Variants in TMEM131 observed in about 807,000 individuals in gnomAD.
The protein encoded by TMEM131 is transmembrane protein 131.
Under a neutral mutation model 211.6 loss-of-function variants are expected in TMEM131, and 66 were observed. The observed-to-expected ratio is 0.31, with a 90% CI of 0.26 to 0.38. The LOEUF (loss-of-function observed/expected upper bound fraction) is 0.38. Among genes scored for constraint, TMEM131 ranks in the 10% least tolerant of loss-of-function variants. The probability of loss-of-function intolerance (pLI) is 1.00; values close to 1 mark genes in which losing one functional copy is unlikely to be tolerated. For missense variants in TMEM131, 2,036 were observed against 2,299.3 expected (o/e 0.89, Z 2.34); for synonymous variants, 844 against 841.3 (o/e 1.00, Z -0.06).
At chr2:97,946,516 T>G (rs1416948312) in intron 1 of TMEM131, among the ~76,000 whole-genome samples, 2 of 151,946 alleles carry the variant, frequency 1.3e-5, no homozygotes, top group African/African-American at 2.4e-5. Context: ...CTTCAAAGAC[T>G]CAAAATACCA....
chr2:97,862,772 T>C (rs1320689458), intron 4 of TMEM131, among the ~76,000 whole-genome samples: 1 of 152,100 alleles, frequency 6.6e-6, no homozygotes, highest in African/African-American at 2.4e-5. Flanking sequence ...TAAGAGTTAA[T>C]GGCCTTAAAG....
At chr2:97,902,676 T>C (rs1047429537) in intron 3 of TMEM131, among the ~76,000 whole-genome samples, 1 of 152,208 alleles carries the variant, frequency 6.6e-6, no homozygotes, top group African/African-American at 2.4e-5. Flanking sequence ...AAGGATATGA[T>C]ACAAAGTATT....
At chr2:97,869,850 G>A (rs370142052) in intron 4 of TMEM131, among the ~76,000 whole-genome samples, 4 of 152,228 alleles carry the variant, frequency 2.6e-5, no homozygotes, top group African/African-American at 4.8e-5. Context: ...AGCAATGCCC[G>A]TTCATTATCT....
intron 33 of TMEM131, among the ~76,000 whole-genome samples, chr2:97,766,901 A>G (rs951667373): frequency 6.6e-6 from 1 of 152,180 alleles, no homozygotes; most frequent in Admixed American, 6.5e-5. Context: ...ATCTCAGATA[A>G]GGCATAGAAA....
chr2:97,859,538 A>T, intron 4 of TMEM131, 111 bp from the exon 5 acceptor site: 1 of 909,942 alleles, frequency 1.1e-6, no homozygotes, highest in South Asian at 2.2e-5. Flanking sequence ...TAAATATATT[A>T]AAATGCTTTC....
chr2:97,885,906 C>T (rs1385247273), intron 4 of TMEM131, among the ~76,000 whole-genome samples: 1 of 152,086 alleles, frequency 6.6e-6, no homozygotes, highest in Non-Finnish European at 1.5e-5. Flanking sequence ...CTGGAATGAC[C>T]ATAATATATT....
At chr2:97,772,964 T>G (rs1679537396) in intron 32 of TMEM131, among the ~76,000 whole-genome samples, 1 of 152,238 alleles carries the variant, frequency 6.6e-6, no homozygotes, top group Non-Finnish European at 1.5e-5. Flanking sequence ...GTCATTTTAA[T>G]TTATACTCAT....
chr2:97,861,754 G>A (rs1055080709), intron 4 of TMEM131, among the ~76,000 whole-genome samples: 1 of 152,118 alleles, frequency 6.6e-6, no homozygotes, highest in Non-Finnish European at 1.5e-5. Flanking sequence ...TCCCTGGTCT[G>A]GACTGGTCTG....
At chr2:97,886,678 AGCTT>A (rs569352866) in intron 4 of TMEM131, among the ~76,000 whole-genome samples, 164 of 152,314 alleles carry the variant, frequency 1.1e-3, no homozygotes, top group African/African-American at 3.9e-3. Flanking sequence ...TGGGTCAGGC[AGCTT>A]GGAATCTGGC....
chr2:97,967,952 C>CT (rs899760343), intron 1 of TMEM131, among the ~76,000 whole-genome samples: 3 of 151,628 alleles, frequency 2.0e-5, no homozygotes, highest in Non-Finnish European at 4.4e-5. Context: ...TCTCAGAACT[C>CT]TGAGACACAG....
intron 31 of TMEM131, among the ~76,000 whole-genome samples, chr2:97,787,729 C>T (rs993547639): frequency 9.9e-5 from 15 of 152,204 alleles, no homozygotes; most frequent in South Asian, 2.1e-4. Flanking sequence ...TGCATGACTA[C>T]ATACCTTTCC....
chr2:97,994,770 A>G (rs1459334031), intron 1 of TMEM131, among the ~76,000 whole-genome samples: 1 of 152,206 alleles, frequency 6.6e-6, no homozygotes, highest in African/African-American at 2.4e-5. Flanking sequence ...GCAGTACAAT[A>G]CTAATGAGAT....
At chr2:97,762,307 A>C in intron 35 of TMEM131, 107 bp from the exon 36 acceptor site, 1 of 1,149,876 alleles carries the variant, frequency 8.7e-7, no homozygotes, top group Non-Finnish European at 1.2e-6. Context: ...GCCCTTCTAC[A>C]AAGAAAACAA....
chr2:97,866,249 A>G (rs1205796611), intron 4 of TMEM131, among the ~76,000 whole-genome samples: 2 of 152,226 alleles, frequency 1.3e-5, no homozygotes, highest in African/African-American at 4.8e-5. Context: ...CAGATTTTCT[A>G]TTTCTCCGTG....
chr2:97,918,460 C>T (rs1676603580), intron 2 of TMEM131, among the ~76,000 whole-genome samples: 1 of 152,070 alleles, frequency 6.6e-6, no homozygotes, highest in South Asian at 2.1e-4. Flanking sequence ...GAATTTAAAC[C>T]TAATCAAGAC....
chr2:97,962,478 T>C (rs978229028), intron 1 of TMEM131, among the ~76,000 whole-genome samples: 79 of 152,282 alleles, frequency 5.2e-4, no homozygotes, highest in African/African-American at 1.8e-3. Context: ...CACTCCAGCC[T>C]GGGCAACAGA....
intron 24 of TMEM131, 51 bp from the exon 25 acceptor site, chr2:97,802,012 G>C (rs1384625315): frequency 1.5e-6 from 2 of 1,302,120 alleles, no homozygotes; most frequent in Non-Finnish European, 2.2e-6. Context: ...TCACAGTTAA[G>C]GGAGTTATGG....
chr2:97,954,584 C>T (rs1678473330), intron 1 of TMEM131, among the ~76,000 whole-genome samples: 1 of 152,142 alleles, frequency 6.6e-6, no homozygotes, highest in Admixed American at 6.6e-5. Context: ...GCGGGTGGAT[C>T]ACCTGAGGTC....
intron 19 of TMEM131, among the ~76,000 whole-genome samples, chr2:97,807,065 C>A (rs1165952596): frequency 1.3e-5 from 2 of 152,180 alleles, no homozygotes; most frequent in East Asian, 3.8e-4. Flanking sequence ...CAATTCTATT[C>A]AAATATTAAG....
Sources: allele counts gnomAD v4.1 joint callset (sites outside exome capture counted in the v4.1 genomes callset), GRCh38; gene constraint gnomAD v4.1.1; transcripts MANE v1.5; gene names NCBI Gene and HGNC (gene_info 2026-07-23, HGNC 2026-07-21).